The following CR1L variants were observed in gnomAD, a reference collection of about 807,000 sequenced individuals.
The protein encoded by CR1L is complement component receptor 1-like protein.
A neutral mutation model predicts 62.3 loss-of-function variants in CR1L; 59 were observed. The ratio of observed to expected loss-of-function variants is 0.95; its 90% confidence interval spans 0.77 to 1.18. CR1L has a LOEUF of 1.18. CR1L is among the 50% of genes most tolerant of loss of function. CR1L has a pLI of 0.00. For synonymous variants in CR1L, 279 were observed against 248.7 expected (o/e 1.12, Z -1.15); for missense variants, 700 against 702.8 (o/e 1.00, Z 0.04).
chr1:207,717,588 C>T lies in CR1L; in HGVS notation c.1539C>T (p.Thr513=), dbSNP rs1434461530. The T allele has an allele frequency of 1.9e-6, 3 of 1,613,812 alleles. No individual in the cohort carries two copies. The highest frequency in any genetic ancestry group is 1.3e-5 in the African/African-American group (1 of 74,916). Reference sequence around the variant, plus strand: ...ACCCCCACCCAGACAGAGGGATGACCTTCAACCTCATTGGGGAGAGCACCA... The same window carrying T: ...ACCCCCACCCAGACAGAGGGATGACTTTCAACCTCATTGGGGAGAGCACCA... ...TCDPHPDRGM[T]FNLIGESTIR... The change falls in exon 11 of 12, where the codon ACC becomes ACT. Residue 513 remains threonine, a synonymous_variant. Transcript: ENST00000508064.
chr1:207,717,533 C>T lies in CR1L; in HGVS notation c.1484C>T (p.Pro495Leu). ...RHTGTPLGDIPYGKEVSYTCD... is the reference protein window; with the variant it reads ...RHTGTPLGDILYGKEVSYTCD... ...ACAGGAACTCCCCTTGGAGATATTC[C>T]CTATGGAAAAGAAGTATCTTACACA... Residue 495 changes from proline (P) to leucine (L), a missense_variant, in exon 11 of 12, where the codon CCC (proline) becomes CTC (leucine). Pro to Leu is a moderately conservative substitution (Grantham distance 98). Transcript: ENST00000508064. 1 of 1,613,724 alleles carries T rather than the reference C, an allele frequency of 6.2e-7. No individual in the cohort carries two copies. Among genetic ancestry groups the T allele is most frequent in the Non-Finnish European group, 8.5e-7 (1 of 1,179,708 alleles).
rs148364368 is a variant in CR1L at position 207,687,719 on chromosome 1, C to A, written c.463+3762C>A. Among the ~76,000 whole-genome samples, 549 of 152,186 alleles carry A rather than the reference C, an allele frequency of 3.6e-3. 4 individuals carry two copies. Among genetic ancestry groups the A allele is most frequent in the African/African-American group, 0.013 (524 of 41,508 alleles). ...TGTATTTCACTGATGATCTTGAGTA[C>A]CTTTTCATATGTTTGTGAAGGGCCT... On this transcript the variant is annotated intron_variant, in intron 4 of 11. Transcript: ENST00000508064.
intron 9 of CR1L, chr1:207,701,858 A>G: frequency 1.5e-6 from 1 of 674,150 alleles, no homozygotes; most frequent in Admixed American, 2.1e-5. Flanking sequence ...ATGGGAAGGA[A>G]AAAAAATTAG....
At chr1:207,674,857 T>G (rs1182530274) in intron 1 of CR1L, among the ~76,000 whole-genome samples, 2 of 147,232 alleles carry the variant, frequency 1.4e-5, no homozygotes. Flanking sequence ...GGAACTGTTT[T>G]ATTCGTGTTT....
chr1:207,676,830 A>G (rs1235876232), intron 1 of CR1L, among the ~76,000 whole-genome samples: 1 of 151,946 alleles, frequency 6.6e-6, no homozygotes, highest in Non-Finnish European at 1.5e-5. Context: ...AATTTTTTGT[A>G]TTTTTAGTAG....
chr1:207,661,306 T>G (rs972426100), intron 1 of CR1L, among the ~76,000 whole-genome samples: 1 of 152,200 alleles, frequency 6.6e-6, no homozygotes, highest in African/African-American at 2.4e-5. Context: ...ACTAAGGACT[T>G]GCTTTATGAA....
At chr1:207,652,412 GCATGGAACAGTCATTT>G (rs1663236630) in intron 1 of CR1L, 6 of 640,522 alleles carry the variant, frequency 9.4e-6, no homozygotes, top group Non-Finnish European at 1.7e-5. Context: ...TCAGGTAAAA[GCATGGAACAGTCATTT>G]AAAATCTTGC....
At chr1:207,699,023 C>T (rs1486591599) in intron 7 of CR1L, among the ~76,000 whole-genome samples, 166 bp from the exon 8 acceptor site, 1 of 152,172 alleles carries the variant, frequency 6.6e-6, no homozygotes, top group Non-Finnish European at 1.5e-5. Flanking sequence ...CTATATTGCT[C>T]CCTTCTGGAG....
intron 9 of CR1L, among the ~76,000 whole-genome samples, chr1:207,702,697 C>T (rs986081241): frequency 6.6e-6 from 1 of 152,204 alleles, no homozygotes; most frequent in Admixed American, 6.5e-5. Flanking sequence ...TCAAACTAGA[C>T]ATATTTCCTT....
intron 8 of CR1L, among the ~76,000 whole-genome samples, chr1:207,700,930 G>T (rs1247333838): frequency 6.6e-6 from 1 of 152,168 alleles, no homozygotes; most frequent in Admixed American, 6.5e-5. Flanking sequence ...ACTTGCACTG[G>T]ATCTTTCCCA....
intron 4 of CR1L, among the ~76,000 whole-genome samples, chr1:207,688,245 C>T (rs1663941006): frequency 6.6e-6 from 1 of 152,160 alleles, no homozygotes; most frequent in South Asian, 2.1e-4. Flanking sequence ...CACTGCACTC[C>T]AGTCCAGGTG....
chr1:207,721,751 G>C (rs1014139273), intron 11 of CR1L, among the ~76,000 whole-genome samples: 179 of 150,942 alleles, frequency 1.2e-3, no homozygotes, highest in African/African-American at 4.1e-3. Context: ...GTTCTAGATC[G>C]CTGAGGAATC....
Position 207,678,272 on chromosome 1 carries a change from C to T in CR1L, c.352C>T (p.Gln118Ter). 6.2e-7 allele frequency: 1 copy of T among 1,613,382 alleles called. No homozygotes were observed. Among genetic ancestry groups the T allele is most frequent in the Non-Finnish European group, 8.5e-7 (1 of 1,179,342 alleles). Reference sequence around the variant, plus strand: ...GATCAAAGACATCCAGTTCAGATCCCAAATTAAATATTCTTGTCCTAAAGG... The same window carrying T: ...GATCAAAGACATCCAGTTCAGATCCTAAATTAAATATTCTTGTCCTAAAGG... Reference protein sequence around the residue: ...HVIKDIQFRSQIKYSCPKGYR... With the variant: ...HVIKDIQFRS Residue 118 changes from glutamine (Q) to a stop codon, truncating the protein, a stop_gained, in exon 3 of 12, where the codon CAA becomes TAA. Transcript: ENST00000508064. LOFTEE classifies it high-confidence loss of function.
At chr1:207,703,586 A>G (rs1307206609) in intron 9 of CR1L, among the ~76,000 whole-genome samples, 2 of 152,242 alleles carry the variant, frequency 1.3e-5, no homozygotes, top group Non-Finnish European at 2.9e-5. Context: ...AAGGAGATGC[A>G]TGTAGTTTTC....
intron 1 of CR1L, chr1:207,669,248 A>G (rs1038968557): frequency 2.2e-6 from 1 of 451,934 alleles, no homozygotes; most frequent in East Asian, 4.4e-5. Context: ...CGTTAGAAAC[A>G]ATGCAAATGG....
At chr1:207,710,368 G>T in intron 10 of CR1L, 1 of 1,402,396 alleles carries the variant, frequency 7.1e-7, no homozygotes. Context: ...TGAACTTGCG[G>T]TCTCTTTTCC....
At chr1:207,652,730 G>T in intron 1 of CR1L, 1 of 813,794 alleles carries the variant, frequency 1.2e-6, no homozygotes, top group Non-Finnish European at 2.1e-6. Context: ...GATGAGCCCT[G>T]TTATAGTAAA....
intron 4 of CR1L, among the ~76,000 whole-genome samples, chr1:207,693,144 G>A (rs1664022044): frequency 6.6e-6 from 1 of 152,092 alleles, no homozygotes; most frequent in Admixed American, 6.6e-5. Context: ...TGTATTGCTT[G>A]GGTTTATCTT....
At chr1:207,685,130 A>G (rs1663879845) in intron 4 of CR1L, among the ~76,000 whole-genome samples, 1 of 152,230 alleles carries the variant, frequency 6.6e-6, no homozygotes, top group Non-Finnish European at 1.5e-5. Context: ...GAAAAAACAA[A>G]CAATATAATA....
Sources: gnomAD v4.1 joint callset for allele counts (sites outside exome capture counted in the v4.1 genomes callset) on GRCh38, gnomAD v4.1.1 for gene constraint, MANE v1.5 for transcripts, NCBI Gene and HGNC (gene_info 2026-07-23, HGNC 2026-07-21) for gene names.